Variants in INTS1 observed in about 807,000 individuals in gnomAD.
The protein encoded by INTS1 is integrator complex subunit 1.
Under a neutral mutation model 241.6 loss-of-function variants are expected in INTS1, and 137 were observed. That is an observed-to-expected ratio of 0.57 (90% CI 0.49 to 0.65). INTS1 has a LOEUF of 0.65. Among genes scored for constraint, INTS1 ranks in the 30% least tolerant of loss-of-function variants. INTS1 has a pLI of 0.00. For missense variants in INTS1, 3,073 were observed against 3,032.2 expected (o/e 1.01, Z -0.32); for synonymous variants, 1,692 against 1,337.8 (o/e 1.26, Z -5.78).
At position 1,497,978 on chromosome 7, in the gene INTS1, T is replaced by C. The variant is rs1283130552; in HGVS notation, c.1425+434A>G. On this transcript the variant is annotated intron_variant, in intron 10 of 47. Coordinates refer to ENST00000404767, the MANE Select transcript of INTS1 (RefSeq NM_001080453.3). This position sits in a 1 kb window ranked among gnomAD's most constrained non-coding sequence, Gnocchi z 5.3. ...CCTGTCATCCCAGCACTTTGGGAGG[T>C]TGAGGCAGGAGGATCGCTTGAGCCC... is the stretch of plus-strand genomic sequence containing the variant. Among the ~76,000 whole-genome samples, 5 of 152,066 alleles carry C rather than the reference T, an allele frequency of 3.3e-5. No individual in the cohort carries two copies. The highest frequency in any genetic ancestry group is 9.7e-5 in the African/African-American group (4 of 41,420).
chr7:1,470,721 AC>A (rs1432269279), intron 47 of INTS1, 29 bp from the exon 48 acceptor site: 7 of 1,502,530 alleles, frequency 4.7e-6, no homozygotes, highest in Non-Finnish European at 6.3e-6. Flanking sequence ...CCTGCACGTC[AC>A]GCTGGCCACA....
chr7:1,472,535 G>A (rs971283470), intron 43 of INTS1, 149 bp from the exon 44 acceptor site: 3 of 596,542 alleles, frequency 5.0e-6, no homozygotes, highest in Admixed American at 3.2e-5. Flanking sequence ...ATGGGGTGGA[G>A]CCAGGAGCCG....
rs747527315 is a variant in INTS1, at chr7:1,500,309, T to C, written c.407A>G (p.Asp136Gly). 1.3e-6 allele frequency: 2 copies of C among 1,593,476 alleles called. No homozygotes were observed. The highest frequency in any genetic ancestry group is 2.3e-5 in the South Asian group (2 of 88,664). Reference sequence around the variant, plus strand: ...CCCGCACAGCACGCCCTCGATCCTGTCATCGTTGCCCTCCAGCTCGGCCGC... The same window carrying C: ...CCCGCACAGCACGCCCTCGATCCTGCCATCGTTGCCCTCCAGCTCGGCCGC... Reference protein sequence around the residue: ...IEAAELEGNDDRIEGVLCGAV... With the variant: ...IEAAELEGNDGRIEGVLCGAV... The change falls in exon 4 of 48, where the codon GAC becomes GGC. Residue 136 changes from aspartate (D) to glycine (G), a missense_variant. By Grantham distance (94) the Asp-to-Gly change is moderately conservative. Coordinates refer to ENST00000404767, the MANE Select transcript of INTS1 (RefSeq NM_001080453.3).
rs1033876766 is a variant in INTS1, at chr7:1,484,004, C to T, written c.3428G>A (p.Trp1143Ter). The T allele has an allele frequency of 1.2e-6, 2 of 1,606,256 alleles. No homozygotes were observed. The highest frequency in any genetic ancestry group is 1.7e-6 in the Non-Finnish European group (2 of 1,175,842). ...GGCCGTAGACCTCCTCGCCCTCACC[C>T]AGCTGTAGACCTCCTCGCCCTCCTT... ...QSKEGEEVYSWSESQDQVFLR... is the reference protein window; with the variant it reads ...QSKEGEEVYS The change falls in exon 25 of 48, where the codon TGG becomes TAG. Residue 1143 changes from tryptophan to a stop codon, truncating the protein, a stop_gained and splice_region_variant. Coordinates refer to ENST00000404767, the MANE Select transcript of INTS1 (RefSeq NM_001080453.3). LOFTEE classifies it high-confidence loss of function.
At chr7:1,485,563 C>A in intron 22 of INTS1, 94 bp from the exon 23 acceptor site, 2 of 1,334,544 alleles carry the variant, frequency 1.5e-6, no homozygotes, top group South Asian at 1.4e-5. Flanking sequence ...CCCTCAGAGC[C>A]CCGAGGAGAA....
At chr7:1,486,796 CAG>C (rs755059152) in intron 21 of INTS1, 22 bp from the exon 22 acceptor site, 3 of 1,610,036 alleles carry the variant, frequency 1.9e-6, no homozygotes, top group East Asian at 4.5e-5. Flanking sequence ...AAGGGGCTCT[CAG>C]GGGTGCAGGT....
rs988987079 is a variant in INTS1 at position 1,497,726 on chromosome 7, G to A, written c.1426-412C>T. Among the ~76,000 whole-genome samples the A allele has an allele frequency of 2.0e-5, 3 of 152,238 alleles. No homozygotes were observed. Among genetic ancestry groups the A allele is most frequent in the East Asian group, 3.9e-4 (2 of 5,190 alleles). On this transcript the variant is annotated intron_variant, in intron 10 of 47. Transcript: ENST00000404767. This position sits in a 1 kb window ranked among gnomAD's most constrained non-coding sequence, Gnocchi z 5.3. ...CTCCTGTCTCAAAATGCCAGGCCGC[G>A]AAGACTGAACGCGGAGCTGAGAGCG... is the stretch of plus-strand genomic sequence containing the variant.
At position 1,497,004 on chromosome 7, in the gene INTS1, C is replaced by G; in HGVS notation, c.1602+134G>C. 1 of 905,108 alleles carries G rather than the reference C, an allele frequency of 1.1e-6. No individual in the cohort carries two copies. The highest frequency in any genetic ancestry group is 2.7e-5 in the East Asian group (1 of 37,448). The allele number at this position is 905,108 out of a possible 1,614,324, so 56.1% of individuals were successfully genotyped here. ...TCTGGGACGCGTCACCGCAAACAGC[C>G]TCACTCATCCCCGTACCCACGCTCA... On this transcript the variant is annotated intron_variant, in intron 11 of 47. Coordinates refer to ENST00000404767, the MANE Select transcript of INTS1 (RefSeq NM_001080453.3). This position sits in a 1 kb window ranked among gnomAD's most constrained non-coding sequence, Gnocchi z 5.3.
rs1782720232 is a variant in INTS1, at chr7:1,493,919, G to GC, written c.1911-9_1911-8insG. The stretch of plus-strand genomic sequence containing the variant: ...CACAGACGCAGGAAGAAGCTGCGGG[G>GC]TGGGGGAGGCATGACTCGGTGTGGG... On this transcript the variant is annotated splice_polypyrimidine_tract_variant and intron_variant, in intron 14 of 47. Transcript: ENST00000404767. This position sits in a 1 kb window ranked among gnomAD's most constrained non-coding sequence, Gnocchi z 5.3. 6.4e-7 allele frequency: 1 copy of GC among 1,555,790 alleles called. No homozygotes were observed. The highest frequency in any genetic ancestry group is 1.4e-5 in the African/African-American group (1 of 73,458).
At chr7:1,504,046 G>A in intron 1 of INTS1, 45 bp from the exon 2 acceptor site, 7 of 1,025,720 alleles carry the variant, frequency 6.8e-6, no homozygotes, top group South Asian at 1.6e-5. Flanking sequence ...TCATTCGCTC[G>A]TTCGCTCGCT....
chr7:1,477,939 G>C lies in INTS1; in HGVS notation c.4631-3C>G. On this transcript the variant is annotated splice_polypyrimidine_tract_variant and splice_region_variant and intron_variant, in intron 33 of 47. Coordinates refer to ENST00000404767, the MANE Select transcript of INTS1 (RefSeq NM_001080453.3). ...CACCTCGATCAGCCCCTGGAGGACT[G>C]CGCAAGGGACAAAGAGACATGTGGG... 6.2e-7 allele frequency: 1 copy of C among 1,612,206 alleles called. No homozygotes were observed.
intron 16 of INTS1, among the ~76,000 whole-genome samples, chr7:1,491,203 G>A (rs562956411): frequency 1.3e-5 from 2 of 152,356 alleles, no homozygotes; most frequent in African/African-American, 4.8e-5. Context: ...ACACACAGCA[G>A]CAGCAGCAGC....
At position 1,497,087 on chromosome 7, in the gene INTS1, C is replaced by T. The variant is rs375212609; in HGVS notation, c.1602+51G>A. 5.4e-4 allele frequency: 818 copies of T among 1,516,780 alleles called. 4 individuals carry two copies. The highest frequency in any genetic ancestry group is 3.7e-4 in the Middle Eastern group (2 of 5,366). 94.0% of individuals were successfully genotyped at this position (1,516,780 alleles called of 1,614,324 possible). A position where few individuals can be genotyped will look rare whatever the true frequency, so the allele number is the denominator to read the frequency against. On this transcript the variant is annotated intron_variant, in intron 11 of 47. Coordinates refer to ENST00000404767, the MANE Select transcript of INTS1 (RefSeq NM_001080453.3). The surrounding 1 kb of genome is among the most constrained non-coding windows in gnomAD (Gnocchi z 5.3). ...GGACCCAGGACGAGGGGGATGGCGG[C>T]GCGTGGAACCCGCAGTGAGGGAAAG...
At chr7:1,472,821 G>A (rs993327603) in intron 43 of INTS1, among the ~76,000 whole-genome samples, 7 of 150,750 alleles carry the variant, frequency 4.6e-5, no homozygotes, top group African/African-American at 9.9e-5. Context: ...TGCCAGGGAC[G>A]GGGGGGTGGG....
rs1782055769 is a variant in INTS1 at position 1,482,722 on chromosome 7, A to G, written c.3542-15T>C. ...GCTGTCGTCGGCTTCAGGAAGGACA[A>G]CGGGTGAGCAGCCTTCAGACCCACC... is the stretch of plus-strand genomic sequence containing the variant. On this transcript the variant is annotated splice_polypyrimidine_tract_variant and intron_variant, in intron 26 of 47. Transcript: ENST00000404767. The G allele has an allele frequency of 6.2e-7, 1 of 1,611,668 alleles. No homozygotes were observed.
Position 1,499,866 on chromosome 7 carries a change from C to G in INTS1, c.684+18G>C. ...GTGGCGCTCTGCCATCTTCACCGTC[C>G]CGGGAGAGGACGCTCACCTTGACAA... On this transcript the variant is annotated intron_variant, in intron 5 of 47. Transcript: ENST00000404767. 6.2e-7 allele frequency: 1 copy of G among 1,608,448 alleles called. No individual in the cohort carries two copies. The highest frequency in any genetic ancestry group is 8.5e-7 in the Non-Finnish European group (1 of 1,176,664).
Position 1,498,465 on chromosome 7 carries a change from T to C in INTS1, c.1372A>G (p.Asn458Asp). ...AGTGCGGTATAGAGGACCTGCATGT[T>C]GTTCGGGTTCCGGGCGCTGGAGAGC... ...NELSSARNPN[N>D]MQVLYTALQH... The change falls in exon 10 of 48, where the codon AAC becomes GAC. Residue 458 changes from asparagine to aspartate, a missense_variant. Coordinates refer to ENST00000404767, the MANE Select transcript of INTS1 (RefSeq NM_001080453.3). The C allele has an allele frequency of 6.2e-7, 1 of 1,613,960 alleles. No individual in the cohort carries two copies. Among genetic ancestry groups the C allele is most frequent in the Non-Finnish European group, 8.5e-7 (1 of 1,179,888 alleles).
chr7:1,473,328 G>GGC, intron 42 of INTS1, 144 bp from the exon 43 acceptor site: 1 of 658,768 alleles, frequency 1.5e-6, no homozygotes, highest in Non-Finnish European at 2.5e-6. Context: ...GCCGGGCGGG[G>GGC]AAGCCACATG....
chr7:1,478,179 G>C (rs1223775423), intron 33 of INTS1, among the ~76,000 whole-genome samples, 187 bp downstream of exon 33: 1 of 152,204 alleles, frequency 6.6e-6, no homozygotes, highest in Admixed American at 6.5e-5. Context: ...GGCCCCCCAA[G>C]GAGGAAGCTC....
Sources: allele counts gnomAD v4.1 joint callset (sites outside exome capture counted in the v4.1 genomes callset), GRCh38; gene constraint gnomAD v4.1.1; non-coding constraint Gnocchi (gnomAD v3.1); transcripts MANE v1.5; gene names NCBI Gene and HGNC (gene_info 2026-07-23, HGNC 2026-07-21).